The following TLL2 variants were observed in gnomAD, a reference collection of about 807,000 sequenced individuals.
The protein encoded by TLL2 is tolloid like 2, also known as tolloid-like protein 2.
TLL2 carries 106 observed loss-of-function variants against 123.0 expected under a neutral mutation model. The ratio of observed to expected loss-of-function variants is 0.86; its 90% CI spans 0.74 to 1.01. The LOEUF is 1.01. TLL2 is among the 50% of genes least tolerant of loss of function. The probability of loss-of-function intolerance (pLI) is 0.00; values close to 1 mark genes in which losing one functional copy is unlikely to be tolerated. For synonymous variants in TLL2, 494 were observed against 516.8 expected, an observed-to-expected ratio of 0.96 and a Z score of 0.60; for missense variants, 1,332 against 1,336.7, an observed-to-expected ratio of 1.00 and a Z score of 0.06.
At chr10:96,456,599 G>C (rs1847018541) in intron 2 of TLL2, among the ~76,000 whole-genome samples, 2 of 152,224 alleles carry the variant, frequency 1.3e-5, no homozygotes, top group Admixed American at 6.5e-5. Context: ...AGACTGAGCA[G>C]GTCCTTCCTC....
intron 16 of TLL2, among the ~76,000 whole-genome samples, chr10:96,381,062 T>A (rs544259746): frequency 4.6e-5 from 7 of 151,912 alleles, no homozygotes; most frequent in African/African-American, 1.7e-4. Flanking sequence ...TTCCTCCAAG[T>A]CCTTCTGCAG....
intron 2 of TLL2, among the ~76,000 whole-genome samples, chr10:96,472,302 G>GC (rs1396117060): frequency 1.3e-5 from 2 of 152,142 alleles, no homozygotes; most frequent in Non-Finnish European, 2.9e-5. Flanking sequence ...ATCATAGGGA[G>GC]CCCCCCACTG....
chr10:96,452,183 G>A (rs1444924079), intron 2 of TLL2, among the ~76,000 whole-genome samples: 2 of 152,242 alleles, frequency 1.3e-5, no homozygotes, highest in African/African-American at 2.4e-5. Context: ...GTGGGATTAA[G>A]CACTTTGAGG....
rs369316530 is a variant in TLL2 at position 96,468,819 on chromosome 10, G to A, written c.286+11530C>T. ...TCTCCAAATCCTGACAAACACGCTC[G>A]TAATGAAAATTAACTTAAAGGTGAA... is the stretch of plus-strand genomic sequence containing the variant. On this transcript the variant is annotated intron_variant, in intron 2 of 20. Coordinates refer to ENST00000357947, the MANE Select transcript of TLL2 (RefSeq NM_012465.4). Among the ~76,000 whole-genome samples, 18 of 152,282 alleles carry A rather than the reference G, an allele frequency of 1.2e-4. No individual in the cohort carries two copies. The East Asian group carries it at 3.3e-3, about 28-fold the overall frequency.
At chr10:96,498,112 A>C (rs943431947) in intron 1 of TLL2, among the ~76,000 whole-genome samples, 1 of 152,224 alleles carries the variant, frequency 6.6e-6, no homozygotes, top group Non-Finnish European at 1.5e-5. Flanking sequence ...AAGCCCTAAT[A>C]GCTTCACTGT....
At chr10:96,483,514 A>G (rs532308902) in intron 1 of TLL2, among the ~76,000 whole-genome samples, 2 of 152,256 alleles carry the variant, frequency 1.3e-5, no homozygotes, top group South Asian at 4.1e-4. Flanking sequence ...CTATCATGGT[A>G]TATTGAGTAT....
intron 2 of TLL2, among the ~76,000 whole-genome samples, chr10:96,478,838 T>A (rs11188783): frequency 0.34 from 51,319 of 152,016 alleles, 9,043 homozygotes; most frequent in Middle Eastern, 0.51. Flanking sequence ...GGGTCTGGAA[T>A]GTTCCTTATC....
intron 1 of TLL2, among the ~76,000 whole-genome samples, chr10:96,508,174 G>A (rs1431928098): frequency 1.3e-5 from 2 of 152,158 alleles, no homozygotes; most frequent in Admixed American, 6.5e-5. Context: ...CTGCCATGAA[G>A]GTTGGCGACT....
At chr10:96,371,799 C>A (rs1055208184) in intron 19 of TLL2, among the ~76,000 whole-genome samples, 6 of 152,200 alleles carry the variant, frequency 3.9e-5, no homozygotes, top group Non-Finnish European at 2.9e-5. Flanking sequence ...GGAGCACCAG[C>A]AGATCAGAGG....
At chr10:96,421,876 C>T (rs12411583) in intron 6 of TLL2, among the ~76,000 whole-genome samples, 18,353 of 151,926 alleles carry the variant, frequency 0.12, 1,380 homozygotes, top group East Asian at 0.17. Context: ...CAAACAAAAA[C>T]CTGATCTTGC....
At chr10:96,374,485 G>T (rs1241517202) in intron 18 of TLL2, 1 of 152,438 alleles carries the variant, frequency 6.6e-6, no homozygotes, top group East Asian at 1.9e-4. Flanking sequence ...GCTGCTCCAG[G>T]CAGCACCCTC....
intron 1 of TLL2, among the ~76,000 whole-genome samples, chr10:96,501,344 C>T (rs1847531504): frequency 6.6e-6 from 1 of 152,182 alleles, no homozygotes; most frequent in South Asian, 2.1e-4. Context: ...ACCCCTCCCA[C>T]CCACAGAGCC....
At chr10:96,451,635 G>T (rs1846960633) in intron 2 of TLL2, among the ~76,000 whole-genome samples, 1 of 152,102 alleles carries the variant, frequency 6.6e-6, no homozygotes, top group Admixed American at 6.5e-5. Context: ...TTAACTGCCA[G>T]CATTTAACTT....
intron 8 of TLL2, 178 bp from the exon 9 acceptor site, chr10:96,410,652 C>T (rs867396878): frequency 2.2e-5 from 15 of 685,412 alleles, no homozygotes; most frequent in Admixed American, 6.1e-5. Flanking sequence ...ACAAGTAGGA[C>T]CTAGGAGTCA....
chr10:96,396,748 T>G (rs76883427), intron 11 of TLL2, among the ~76,000 whole-genome samples: 2 of 152,242 alleles, frequency 1.3e-5, no homozygotes, highest in East Asian at 3.9e-4. Flanking sequence ...GAGGCCCTTC[T>G]AAGAAACGCA....
At chr10:96,431,735 C>T (rs1411382678) in intron 4 of TLL2, among the ~76,000 whole-genome samples, 2 of 152,156 alleles carry the variant, frequency 1.3e-5, no homozygotes, top group African/African-American at 4.8e-5. Context: ...GTAAAGAGTT[C>T]AGGTCACGGT....
rs890380140 is a variant in TLL2, at chr10:96,374,098, C to T, written c.2449-289G>A. On this transcript the variant is annotated intron_variant, in intron 18 of 20. Transcript: ENST00000357947. ...AGGGGTTCAGAGATTAAATGCTTGA[C>T]ATTTTGACAGCTATTAAGCGACAGA... is the stretch of plus-strand genomic sequence containing the variant. 2.3e-5 allele frequency: 9 copies of T among 393,088 alleles called. No homozygotes were observed. The South Asian group carries it at 2.5e-4, about 11-fold the overall frequency. 24.4% of individuals were successfully genotyped at this position (393,088 alleles called of 1,614,324 possible). A position where few individuals can be genotyped will look rare whatever the true frequency, so the allele number is the denominator to read the frequency against.
chr10:96,453,244 T>C (rs1472550090), intron 2 of TLL2, among the ~76,000 whole-genome samples: 1 of 151,920 alleles, frequency 6.6e-6, no homozygotes, highest in African/African-American at 2.4e-5. Flanking sequence ...TCACGTGAGG[T>C]CAGGAGTTCA....
chr10:96,411,257 C>CAAAAAAAAAAAA (rs56011735), intron 8 of TLL2, among the ~76,000 whole-genome samples: 5 of 95,170 alleles, frequency 5.3e-5, no homozygotes, highest in African/African-American at 1.8e-4. Flanking sequence ...GACTCTGTCT[C>CAAAAAAAAAAAA]AAAAAAAAAA....
Sources: allele counts gnomAD v4.1 joint callset (sites outside exome capture counted in the v4.1 genomes callset), GRCh38; gene constraint gnomAD v4.1.1; transcripts MANE v1.5; gene names NCBI Gene and HGNC (gene_info 2026-07-23, HGNC 2026-07-21).